The following ZMIZ1 variants were observed in gnomAD, a reference collection of about 807,000 sequenced individuals.
ZMIZ1 encodes the protein zinc finger MIZ-type containing 1, also known as zinc finger MIZ domain-containing protein 1.
A neutral mutation model predicts 113.9 loss-of-function variants in ZMIZ1; 17 were observed. The ratio of observed to expected loss-of-function variants is 0.15; its 90% CI spans 0.10 to 0.22. ZMIZ1 has a LOEUF of 0.22. Ranked by LOEUF, ZMIZ1 falls within the 10% of genes least tolerant of loss-of-function variation. ZMIZ1 has a pLI of 1.00. For synonymous variants in ZMIZ1, 607 were observed against 603.1 expected (o/e 1.01, Z -0.09); for missense variants, 1,059 against 1,477.8 (o/e 0.72, Z 4.65).
chr10:79,195,639 G>C lies in ZMIZ1; in HGVS notation c.-49-5945G>C, dbSNP rs111930297. 2.8e-4 allele frequency among the ~76,000 whole-genome samples: 43 copies of C among 152,246 alleles called. 1 individual carries two copies. Among genetic ancestry groups the C allele is most frequent in the African/African-American group, 1.0e-3 (43 of 41,472 alleles). On this transcript the variant is annotated intron_variant, in intron 4 of 24. Transcript: ENST00000334512. Reference sequence around the variant, plus strand: ...GCGACCTCTGCTGGCCACCAGGTGCGTGTCACCTCCCAAAGGTGGCCGGTG... The same window carrying C: ...GCGACCTCTGCTGGCCACCAGGTGCCTGTCACCTCCCAAAGGTGGCCGGTG...
intron 8 of ZMIZ1, among the ~76,000 whole-genome samples, chr10:79,286,496 T>C (rs1487503412): frequency 6.6e-6 from 1 of 152,244 alleles, no homozygotes. Context: ...GGAGGCAAGC[T>C]AGTCCTGAGA....
intron 1 of ZMIZ1, among the ~76,000 whole-genome samples, chr10:79,078,717 G>GTCTTTTT (rs781149546): frequency 1.9e-5 from 1 of 53,900 alleles, no homozygotes; most frequent in African/African-American, 7.8e-5. Flanking sequence ...GCTAATTTTT[G>GTCTTTTT]TATTTTTTTT....
At position 79,217,553 on chromosome 10, in the gene ZMIZ1, A is replaced by G. The variant is rs1174244289; in HGVS notation, c.280+1279A>G. Among the ~76,000 whole-genome samples the G allele has an allele frequency of 3.9e-5, 6 of 152,278 alleles. No individual in the cohort carries two copies. In the East Asian group the frequency reaches 1.2e-3, roughly 29 times the overall value. On this transcript the variant is annotated intron_variant, in intron 7 of 24. Coordinates refer to ENST00000334512, the MANE Select transcript of ZMIZ1 (RefSeq NM_020338.4). The stretch of plus-strand genomic sequence containing the variant: ...AAACAGTTATTTCCCTTGTATAACA[A>G]TAAAATGGACGTTTTCACTGAATTC...
chr10:79,259,742 A>G (rs1178404390), intron 7 of ZMIZ1, among the ~76,000 whole-genome samples: 1 of 150,700 alleles, frequency 6.6e-6, no homozygotes, highest in Non-Finnish European at 1.5e-5. Flanking sequence ...CAGCCTCCCC[A>G]GTAGCTGGGA....
At chr10:79,100,372 A>G (rs983268802) in intron 1 of ZMIZ1, among the ~76,000 whole-genome samples, 1 of 151,546 alleles carries the variant, frequency 6.6e-6, no homozygotes, top group Non-Finnish European at 1.5e-5. Flanking sequence ...TTGGGAGGTC[A>G]AGGTGGGAGA....
rs960305373 is a variant in ZMIZ1 at position 79,314,118 on chromosome 10, A to G, written c.*1369A>G. On this transcript the variant is annotated 3_prime_UTR_variant, in exon 25 of 25. Coordinates refer to ENST00000334512, the MANE Select transcript of ZMIZ1 (RefSeq NM_020338.4). ...ATCTCACCCAAACTCCTGCTCACTCAAGCAAAAGCAGCCTCTGGCCTTCCC... is the reference window on the plus strand; with the variant it reads ...ATCTCACCCAAACTCCTGCTCACTCGAGCAAAAGCAGCCTCTGGCCTTCCC... 2.2e-6 allele frequency: 1 copy of G among 456,726 alleles called. No individual in the cohort carries two copies. Among genetic ancestry groups the G allele is most frequent in the Non-Finnish European group, 4.4e-6 (1 of 226,968 alleles). The allele number at this position is 456,726 out of a possible 1,614,324, so 28.3% of individuals were successfully genotyped here.
chr10:79,315,849 CAAAA>C lies in ZMIZ1; in HGVS notation c.*3101_*3104del, dbSNP rs1321603848. The C allele has an allele frequency of 6.7e-6, 1 of 150,262 alleles. No homozygotes were observed. Among genetic ancestry groups the C allele is most frequent in the Non-Finnish European group, 1.5e-5 (1 of 67,460 alleles). 9.3% of individuals were successfully genotyped at this position (150,262 alleles called of 1,614,324 possible). On this transcript the variant is annotated 3_prime_UTR_variant, in exon 25 of 25. Transcript: ENST00000334512. The stretch of plus-strand genomic sequence containing the variant: ...TGTGTATTGTTTTTATTTTGCGAAA[CAAAA>C]CAAAACAAAAAAAAAAGCTTGGAAC...
chr10:79,103,120 G>A (rs1372139760), intron 1 of ZMIZ1, among the ~76,000 whole-genome samples: 5 of 152,132 alleles, frequency 3.3e-5, no homozygotes, highest in Admixed American at 2.6e-4. Flanking sequence ...AGGACCCCTT[G>A]AGAAACTGTA....
rs1445982507 is a variant in ZMIZ1, at chr10:79,300,834, CA to C, written c.1912del (p.Thr638ProfsTer16). On this transcript the variant is annotated frameshift_variant, in exon 17 of 25. Coordinates refer to ENST00000334512, the MANE Select transcript of ZMIZ1 (RefSeq NM_020338.4). LOFTEE classifies it high-confidence loss of function. ...AGGTCAGCGTGAACGCCACGCCCCTCACCATTGAGCGCGGCGACAACAAGAC... is the reference window on the plus strand; with the variant it reads ...AGGTCAGCGTGAACGCCACGCCCCTCCCATTGAGCGCGGCGACAACAAGAC... ...VQVSVNATPL[T>X]IERGDNKTSH... The C allele has an allele frequency of 6.2e-7, 1 of 1,613,698 alleles. No homozygotes were observed. Among genetic ancestry groups the C allele is most frequent in the Non-Finnish European group, 8.5e-7 (1 of 1,180,014 alleles).
At chr10:79,080,700 G>A (rs1383848179) in intron 1 of ZMIZ1, among the ~76,000 whole-genome samples, 1 of 152,158 alleles carries the variant, frequency 6.6e-6, no homozygotes, top group Non-Finnish European at 1.5e-5. Flanking sequence ...ATGGCCTTCT[G>A]ATTCCTCCCA....
At chr10:79,210,487 T>C (rs925001923) in intron 6 of ZMIZ1, among the ~76,000 whole-genome samples, 15 of 152,156 alleles carry the variant, frequency 9.9e-5, no homozygotes, top group African/African-American at 3.4e-4. Context: ...ATGCCAGAGC[T>C]CTGGGAGAAG....
intron 7 of ZMIZ1, among the ~76,000 whole-genome samples, chr10:79,273,602 C>G (rs938664099): frequency 6.6e-6 from 1 of 152,236 alleles, no homozygotes; most frequent in African/African-American, 2.4e-5. Flanking sequence ...AAGTGATCTG[C>G]CCGCCTCAGC....
chr10:79,233,585 TAGAG>T (rs1849478136), intron 7 of ZMIZ1, among the ~76,000 whole-genome samples: 1 of 152,194 alleles, frequency 6.6e-6, no homozygotes, highest in Admixed American at 6.5e-5. Flanking sequence ...CACGTTAACT[TAGAG>T]AGGCACAAAC....
chr10:79,202,189 GAAAAAAAAAA>G (rs58021590), intron 5 of ZMIZ1, among the ~76,000 whole-genome samples: 4 of 52,636 alleles, frequency 7.6e-5, no homozygotes, highest in East Asian at 6.1e-4. Flanking sequence ...CCCTGTCTCA[GAAAAAAAAAA>G]AAAAAAAAAA....
intron 3 of ZMIZ1, among the ~76,000 whole-genome samples, chr10:79,158,177 T>C (rs542888106): frequency 6.6e-6 from 1 of 152,290 alleles, no homozygotes; most frequent in South Asian, 2.1e-4. Context: ...ACCCCGTATC[T>C]TGTTAAGGCC....
intron 7 of ZMIZ1, among the ~76,000 whole-genome samples, chr10:79,263,817 G>A (rs1017610928): frequency 6.6e-6 from 1 of 152,162 alleles, no homozygotes; most frequent in African/African-American, 2.4e-5. Flanking sequence ...CAGCCATGAT[G>A]TGTAGACCCC....
At chr10:79,252,868 AT>A (rs1442953096) in intron 7 of ZMIZ1, among the ~76,000 whole-genome samples, 2 of 152,206 alleles carry the variant, frequency 1.3e-5, no homozygotes, top group African/African-American at 4.8e-5. Flanking sequence ...GGAATGTGGC[AT>A]TTCTTCAAGT....
intron 7 of ZMIZ1, among the ~76,000 whole-genome samples, chr10:79,227,583 A>C (rs1444525037): frequency 3.3e-5 from 5 of 152,246 alleles, no homozygotes. Context: ...AAGTGGGTTA[A>C]GGTCTATACA....
At chr10:79,148,606 C>A (rs893274504) in intron 3 of ZMIZ1, among the ~76,000 whole-genome samples, 1 of 152,048 alleles carries the variant, frequency 6.6e-6, no homozygotes, top group Admixed American at 6.6e-5. Context: ...CGCAGATCCG[C>A]CATCATGCCA....
Sources: allele counts gnomAD v4.1 joint callset (sites outside exome capture counted in the v4.1 genomes callset), GRCh38; gene constraint gnomAD v4.1.1; transcripts MANE v1.5; gene names NCBI Gene and HGNC (gene_info 2026-07-23, HGNC 2026-07-21).